ACAD11: variants seen among roughly 807,000 people sequenced by gnomAD.
The protein encoded by ACAD11 is acyl-CoA dehydrogenase family member 11, also known as acyl-Coenzyme A dehydrogenase family, member 11.
ACAD11 carries 83 observed loss-of-function variants against 102.2 expected under a neutral mutation model. That is an observed-to-expected ratio of 0.81 (90% CI 0.68 to 0.97). The LOEUF is 0.97. Among genes scored for constraint, ACAD11 ranks in the 50% least tolerant of loss-of-function variants. ACAD11 has a pLI of 0.00. For missense variants in ACAD11, 901 were observed against 951.7 expected (o/e 0.95, Z 0.70); for synonymous variants, 324 against 319.8 (o/e 1.01, Z -0.14).
At chr3:132,600,203 A>C (rs1184656799) in intron 13 of ACAD11, among the ~76,000 whole-genome samples, 1 of 152,220 alleles carries the variant, frequency 6.6e-6, no homozygotes, top group Non-Finnish European at 1.5e-5. Flanking sequence ...AGTTTGAGTA[A>C]CTAATCTTGG....
intron 14 of ACAD11, chr3:132,579,121 A>G: frequency 4.5e-6 from 6 of 1,347,996 alleles, no homozygotes; most frequent in Non-Finnish European, 6.0e-6. Flanking sequence ...ACTGCTCAAC[A>G]ATGGTAACTG....
rs1156397940 is a variant in ACAD11 at position 132,561,184 on chromosome 3, T to C, written c.2035A>G (p.Ile679Val). Residue 679 changes from isoleucine to valine, a missense_variant, in exon 18 of 20, where the codon ATT becomes GTT. Physicochemically the swap from Ile to Val is conservative, Grantham distance 29. Transcript: ENST00000264990. ...AACAAGCGGATCTTCTCAATGGCAA[T>C]GCGGCTTTCAGCAATCCAGTGAGCC... The part of the protein sequence containing the change: ...VVAHWIAESR[I>V]AIEKIRLLTL... 2 of 1,613,268 alleles carry C rather than the reference T, an allele frequency of 1.2e-6. No individual in the cohort carries two copies. The highest frequency in any genetic ancestry group is 1.7e-6 in the Non-Finnish European group (2 of 1,179,612).
At position 132,593,220 on chromosome 3, in the gene ACAD11, AT is replaced by A. The variant is rs200216130; in HGVS notation, c.1621+10008del. ...AAATAAAATTTAAAAGCAAAAAAAAATTGGGGGGGAATGTTTCAACATTTAT... is the reference window on the plus strand; with the variant it reads ...AAATAAAATTTAAAAGCAAAAAAAAATGGGGGGGAATGTTTCAACATTTAT... On this transcript the variant is annotated intron_variant, in intron 13 of 19. Transcript: ENST00000264990. Among the ~76,000 whole-genome samples the A allele has an allele frequency of 9.7e-3, 1,474 of 152,202 alleles. 31 individuals are homozygous for A. The highest frequency in any genetic ancestry group is 0.034 in the African/African-American group (1,402 of 41,554).
intron 18 of ACAD11, among the ~76,000 whole-genome samples, chr3:132,560,546 G>C (rs1937025673): frequency 6.6e-6 from 1 of 151,914 alleles, no homozygotes; most frequent in African/African-American, 2.4e-5. Flanking sequence ...CAGCCTCCCT[G>C]GGACTACAGG....
chr3:132,642,891 T>C, intron 2 of ACAD11, 89 bp from the exon 3 acceptor site: 1 of 1,359,768 alleles, frequency 7.4e-7, no homozygotes, highest in Non-Finnish European at 1.0e-6. Flanking sequence ...ATCTTAAGGC[T>C]AGAAAACAAC....
At chr3:132,578,909 A>G (rs1937559892) in intron 14 of ACAD11, 28 bp from the exon 15 acceptor site, 8 of 1,610,324 alleles carry the variant, frequency 5.0e-6, no homozygotes, top group Non-Finnish European at 6.8e-6. Flanking sequence ...TGTATTAGAA[A>G]AAGTTTGCTA....
intron 11 of ACAD11, among the ~76,000 whole-genome samples, chr3:132,612,993 T>C (rs1939225122): frequency 1.3e-5 from 2 of 152,026 alleles, no homozygotes; most frequent in African/African-American, 4.8e-5. Flanking sequence ...CCAACAATGA[T>C]AGACTGGATT....
intron 17 of ACAD11, among the ~76,000 whole-genome samples, chr3:132,561,860 G>T (rs1214945495): frequency 6.6e-6 from 1 of 152,144 alleles, no homozygotes; most frequent in Non-Finnish European, 1.5e-5. Context: ...GGCAACCATT[G>T]ATAGGTTCTC....
intron 9 of ACAD11, among the ~76,000 whole-genome samples, chr3:132,621,549 CA>C (rs1939607735): frequency 6.6e-6 from 1 of 151,846 alleles, no homozygotes; most frequent in Admixed American, 6.6e-5. Context: ...AAAAGGAAAA[CA>C]ACAACAAAAA....
At chr3:132,581,947 G>A (rs1030178201) in intron 13 of ACAD11, among the ~76,000 whole-genome samples, 2 of 151,972 alleles carry the variant, frequency 1.3e-5, no homozygotes, top group Non-Finnish European at 2.9e-5. Context: ...CTGCAAGACA[G>A]AATATAAATA....
chr3:132,614,748 T>A (rs1323252157), intron 11 of ACAD11, among the ~76,000 whole-genome samples: 1 of 152,096 alleles, frequency 6.6e-6, no homozygotes, highest in Non-Finnish European at 1.5e-5. Context: ...GCAATACCAT[T>A]CAGGACATAG....
chr3:132,603,260 AT>A lies in ACAD11; in HGVS notation c.1589del (p.Tyr530LeufsTer2). On this transcript the variant is annotated frameshift_variant, in exon 13 of 20. Coordinates refer to ENST00000264990, the MANE Select transcript of ACAD11 (RefSeq NM_032169.5). LOFTEE classifies it high-confidence loss of function. ...ECSIQRDEDS[Y>X]VINGKKWWSS... ...TCCACCATTTTTTGCCGTTAATTAC[AT>A]AGCTATCTTCATCTCGTTGGATGCT... is the stretch of plus-strand genomic sequence containing the variant. The A allele has an allele frequency of 6.2e-7, 1 of 1,614,128 alleles. No homozygotes were observed. The highest frequency in any genetic ancestry group is 8.5e-7 in the Non-Finnish European group (1 of 1,179,950).
intron 3 of ACAD11, 55 bp downstream of exon 3, chr3:132,642,618 CTTAA>C (rs1553766464): frequency 1.0e-5 from 15 of 1,477,556 alleles, no homozygotes; most frequent in Admixed American, 4.3e-5. Context: ...AATAAAACAT[CTTAA>C]TTAACTTCAT....
At chr3:132,624,780 A>G (rs1939748634) in intron 9 of ACAD11, among the ~76,000 whole-genome samples, 1 of 151,228 alleles carries the variant, frequency 6.6e-6, no homozygotes, top group South Asian at 2.1e-4. Context: ...TCTGCCTCCC[A>G]GGTTCAAGCA....
chr3:132,626,893 T>A (rs1414072683), intron 8 of ACAD11, 76 bp from the exon 9 acceptor site: 1 of 1,440,170 alleles, frequency 6.9e-7, no homozygotes, highest in Non-Finnish European at 9.2e-7. Flanking sequence ...TAATATAATG[T>A]GAAGTTTCCT....
chr3:132,584,182 G>T (rs1017968148), intron 13 of ACAD11, among the ~76,000 whole-genome samples: 4 of 152,118 alleles, frequency 2.6e-5, no homozygotes, highest in Admixed American at 2.6e-4. Flanking sequence ...CATTATTATT[G>T]TGTGGGAGTC....
Position 132,603,240 on chromosome 3 carries a change from C to G in ACAD11, c.1610G>C (p.Trp537Ser), listed in dbSNP as rs1054880795. The change falls in exon 13 of 20, where the codon TGG becomes TCG. Residue 537 changes from tryptophan to serine, a missense_variant. Transcript: ENST00000264990. ...GGCTGAACACTCACCACTGCTCCAC[C>G]ATTTTTTGCCGTTAATTACATAGCT... ...EDSYVINGKK[W>S]WSSGAGNPKC... 12 of 1,613,828 alleles carry G rather than the reference C, an allele frequency of 7.4e-6. No homozygotes were observed. The African/African-American group carries it at 1.3e-4, about 18-fold the overall frequency.
intron 15 of ACAD11, among the ~76,000 whole-genome samples, chr3:132,577,991 A>G (rs1404624540): frequency 1.3e-5 from 2 of 152,162 alleles, no homozygotes; most frequent in Non-Finnish European, 2.9e-5. Flanking sequence ...ATCTTAACTG[A>G]TAAGTGATTC....
chr3:132,650,772 C>G (rs1479030950), intron 1 of ACAD11, among the ~76,000 whole-genome samples: 4 of 152,100 alleles, frequency 2.6e-5, no homozygotes, highest in Non-Finnish European at 4.4e-5. Flanking sequence ...ACTGACAGCA[C>G]TACTACCTTG....
Sources: gnomAD v4.1 joint callset for allele counts (sites outside exome capture counted in the v4.1 genomes callset) on GRCh38, gnomAD v4.1.1 for gene constraint, MANE v1.5 for transcripts, NCBI Gene and HGNC (gene_info 2026-07-23, HGNC 2026-07-21) for gene names.